Variants in NFIA observed in about 807,000 individuals in gnomAD.
NFIA encodes nuclear factor I A, also known as nuclear factor 1 A-type.
Under a neutral mutation model 62.8 loss-of-function variants are expected in NFIA, and 8 were observed. The observed-to-expected ratio is 0.13, with a 90% CI of 0.07 to 0.23. The LOEUF (loss-of-function observed/expected upper bound fraction) is 0.23. NFIA is among the 10% of genes least tolerant of loss of function. NFIA has a pLI of 1.00. For missense variants in NFIA, 410 were observed against 642.1 expected, an observed-to-expected ratio of 0.64 and a Z score of 3.91; for synonymous variants, 235 against 238.1, an observed-to-expected ratio of 0.99 and a Z score of 0.12.
At chr1:61,291,500 A>G (rs1658879104) in intron 3 of NFIA, among the ~76,000 whole-genome samples, 1 of 152,216 alleles carries the variant, frequency 6.6e-6, no homozygotes, top group Non-Finnish European at 1.5e-5. Context: ...GTCAAATAAT[A>G]CTATGTACTG....
chr1:61,200,997 G>C lies in NFIA; in HGVS notation c.560-76523G>C, dbSNP rs916498375. Reference sequence around the variant, plus strand: ...TATAAAACTCCCATTTATTCTGTAGGGTTGCTGAAACACAGCAAAGTGTAA... The same window carrying C: ...TATAAAACTCCCATTTATTCTGTAGCGTTGCTGAAACACAGCAAAGTGTAA... On this transcript the variant is annotated intron_variant, in intron 2 of 10. Coordinates refer to ENST00000403491, the MANE Select transcript of NFIA (RefSeq NM_001134673.4). 2.0e-5 allele frequency among the ~76,000 whole-genome samples: 3 copies of C among 152,040 alleles called. No individual in the cohort carries two copies. The East Asian group carries it at 5.8e-4, about 29-fold the overall frequency.
chr1:61,113,365 G>C (rs1178883281), intron 2 of NFIA, among the ~76,000 whole-genome samples: 1 of 152,110 alleles, frequency 6.6e-6, no homozygotes, highest in Middle Eastern at 3.2e-3. Context: ...GGCCAAGGCA[G>C]GTGGATTGCC....
chr1:61,227,014 A>G (rs1468107359), intron 2 of NFIA, among the ~76,000 whole-genome samples: 4 of 152,172 alleles, frequency 2.6e-5, no homozygotes, highest in African/African-American at 9.7e-5. Flanking sequence ...CTGACCGGTA[A>G]CTCTCAAACG....
intron 2 of NFIA, among the ~76,000 whole-genome samples, chr1:61,219,231 C>CAA (rs36000081): frequency 9.6e-5 from 13 of 135,256 alleles, no homozygotes; most frequent in Admixed American, 2.2e-4. Flanking sequence ...AACTCAGTCT[C>CAA]AAAAAAAAAA....
At chr1:61,200,168 T>C (rs10889212) in intron 2 of NFIA, among the ~76,000 whole-genome samples, 48,566 of 149,186 alleles carry the variant, frequency 0.33, 9,020 homozygotes, top group East Asian at 0.57. Flanking sequence ...CAGGAGGCAG[T>C]GCAGTCATTA....
At chr1:61,353,928 T>C (rs1662688275) in intron 5 of NFIA, among the ~76,000 whole-genome samples, 1 of 152,242 alleles carries the variant, frequency 6.6e-6, no homozygotes, top group Non-Finnish European at 1.5e-5. Context: ...GAATGTTTGC[T>C]GATGGGAGAG....
At chr1:61,271,462 G>C (rs1336184) in intron 2 of NFIA, among the ~76,000 whole-genome samples, 3,099 of 152,296 alleles carry the variant, frequency 0.02, 70 homozygotes, top group Non-Finnish European at 0.024. Flanking sequence ...GAAAAGTTTT[G>C]AGAAAGAAAA....
At chr1:61,268,689 GAATTA>G (rs1318620820) in intron 2 of NFIA, among the ~76,000 whole-genome samples, 1 of 152,160 alleles carries the variant, frequency 6.6e-6, no homozygotes, top group Non-Finnish European at 1.5e-5. Context: ...AGGGGTGAGA[GAATTA>G]AATTAGATAT....
rs12092579 is a variant in NFIA at position 61,154,402 on chromosome 1, C to T, written c.559+65722C>T. ...AACTCCTGACCTTAGGTGATCCGCCCGCCTTGGCCTCCCAAAGTGCTGGGA... is the reference window on the plus strand; with the variant it reads ...AACTCCTGACCTTAGGTGATCCGCCTGCCTTGGCCTCCCAAAGTGCTGGGA... On this transcript the variant is annotated intron_variant, in intron 2 of 10. Transcript: ENST00000403491. Among the ~76,000 whole-genome samples, 480 of 152,250 alleles carry T rather than the reference C, an allele frequency of 3.2e-3. 2 individuals carry two copies. Among genetic ancestry groups the T allele is most frequent in the African/African-American group, 0.011 (442 of 41,572 alleles).
intron 3 of NFIA, among the ~76,000 whole-genome samples, chr1:61,285,730 A>G (rs373730218): frequency 2.0e-5 from 3 of 152,180 alleles, no homozygotes; most frequent in Admixed American, 6.5e-5. Context: ...GTGCATTTCT[A>G]TACTTGGTTG....
chr1:61,452,956 T>C (rs1668126786), intron 10 of NFIA, among the ~76,000 whole-genome samples: 1 of 152,132 alleles, frequency 6.6e-6, no homozygotes, highest in African/African-American at 2.4e-5. Context: ...GGTGGGGGGC[T>C]GATGCTGGGC....
chr1:61,110,660 A>G (rs1290948940), intron 2 of NFIA, among the ~76,000 whole-genome samples: 2 of 152,056 alleles, frequency 1.3e-5, no homozygotes, highest in Non-Finnish European at 2.9e-5. Flanking sequence ...GTGTATCTAC[A>G]TTTTGGCATA....
At chr1:61,192,683 A>T (rs967598025) in intron 2 of NFIA, among the ~76,000 whole-genome samples, 4 of 151,120 alleles carry the variant, frequency 2.6e-5, no homozygotes, top group African/African-American at 7.3e-5. Context: ...AGCCTGGGTG[A>T]CGGAGCGAGA....
chr1:61,081,054 G>A (rs1570103752), upstream of NFIA, among the ~76,000 whole-genome samples: 1 of 152,006 alleles, frequency 6.6e-6, no homozygotes, highest in East Asian at 1.9e-4. Context: ...CACCTCCACC[G>A]AAGGGCAGAT....
chr1:61,414,637 G>A (rs1365537990), intron 9 of NFIA, among the ~76,000 whole-genome samples: 1 of 151,854 alleles, frequency 6.6e-6, no homozygotes, highest in East Asian at 1.9e-4. Context: ...GTTCCAGAGA[G>A]TGCATCTTAT....
chr1:61,200,004 A>G (rs1447665870), intron 2 of NFIA, among the ~76,000 whole-genome samples: 1 of 70,512 alleles, frequency 1.4e-5, no homozygotes, highest in Non-Finnish European at 2.7e-5. Flanking sequence ...CACAAAATAT[A>G]TATATGTATA....
intron 1 of NFIA, among the ~76,000 whole-genome samples, chr1:61,084,880 A>G (rs1040149573): frequency 1.5e-4 from 22 of 151,504 alleles, no homozygotes; most frequent in African/African-American, 5.1e-4. Context: ...TTCGGCTTAC[A>G]TATTCAGCAG....
chr1:61,405,857 AAAAT>A (rs1665792721), intron 8 of NFIA, among the ~76,000 whole-genome samples: 1 of 152,236 alleles, frequency 6.6e-6, no homozygotes, highest in Non-Finnish European at 1.5e-5. Context: ...ATCAGGCAGC[AAAAT>A]AAATATGACT....
At chr1:61,230,704 C>T (rs1389003302) in intron 2 of NFIA, among the ~76,000 whole-genome samples, 1 of 152,190 alleles carries the variant, frequency 6.6e-6, no homozygotes, top group Non-Finnish European at 1.5e-5. Flanking sequence ...ATAAAGTCCA[C>T]TCTCCTCACC....
Sources: allele counts gnomAD v4.1 joint callset (sites outside exome capture counted in the v4.1 genomes callset), GRCh38; gene constraint gnomAD v4.1.1; transcripts MANE v1.5; gene names NCBI Gene and HGNC (gene_info 2026-07-23, HGNC 2026-07-21).